The following TUT7 variants were observed in gnomAD, a reference collection of about 807,000 sequenced individuals.
TUT7 encodes the protein terminal uridylyltransferase 7.
A neutral mutation model predicts 165.9 loss-of-function variants in TUT7; 33 were observed. The ratio of observed to expected loss-of-function variants is 0.20; its 90% confidence interval spans 0.15 to 0.27. The LOEUF is 0.27. Among genes scored for constraint, TUT7 ranks in the 10% least tolerant of loss-of-function variants. The pLI, the probability that TUT7 is intolerant of heterozygous loss-of-function variation, is 1.00. For synonymous variants in TUT7, 552 were observed against 608.1 expected (o/e 0.91, Z 1.36); for missense variants, 1,338 against 1,762.3 (o/e 0.76, Z 4.31).
intron 26 of TUT7, among the ~76,000 whole-genome samples, chr9:86,300,582 A>G (rs1826790136): frequency 6.6e-6 from 1 of 152,248 alleles, no homozygotes. Flanking sequence ...TATAGTTAGT[A>G]GTCTGTTTAA....
At chr9:86,307,437 AG>A (rs1471402146) in intron 22 of TUT7, among the ~76,000 whole-genome samples, 2 of 152,364 alleles carry the variant, frequency 1.3e-5, no homozygotes, top group African/African-American at 4.8e-5. Context: ...ATTTTACAAA[AG>A]TTCATTGTAT....
intron 21 of TUT7, 135 bp downstream of exon 21, chr9:86,309,077 G>T: frequency 1.7e-6 from 1 of 590,622 alleles, no homozygotes; most frequent in Non-Finnish European, 2.9e-6. Context: ...GAAAGCATCT[G>T]AAAACACTAT....
At chr9:86,322,574 T>C in intron 13 of TUT7, 99 bp from the exon 14 acceptor site, 1 of 1,416,052 alleles carries the variant, frequency 7.1e-7, no homozygotes. Flanking sequence ...ACCTATTCAC[T>C]TTCCAAAGGA....
At chr9:86,337,829 A>G (rs1034913251) in intron 9 of TUT7, among the ~76,000 whole-genome samples, 1 of 152,254 alleles carries the variant, frequency 6.6e-6, no homozygotes, top group African/African-American at 2.4e-5. Flanking sequence ...TCCATGGTCA[A>G]TTCATTCATT....
rs1273996993 is a variant in TUT7, at chr9:86,352,837, T to A, written c.363A>T (p.Arg121Ser). 6.2e-7 allele frequency: 1 copy of A among 1,614,206 alleles called. No homozygotes were observed. The part of the protein sequence containing the change: ...DNWREFKPGP[R>S]IPVINRQRKD... ...TTCTTTGTCGGTTTATAACAGGAAT[T>A]CTAGGTCCAGGTTTGAATTCTCTCC... Residue 121 changes from arginine (R) to serine (S), a missense_variant, in exon 2 of 27, where the codon AGA becomes AGT. This residue lies in a region of TUT7 where 434 missense variants were observed against 480.8 expected (regional missense o/e 0.90). Transcript: ENST00000375963.
intron 7 of TUT7, among the ~76,000 whole-genome samples, chr9:86,340,577 G>T (rs1379389991): frequency 1.3e-5 from 2 of 152,202 alleles, no homozygotes; most frequent in Non-Finnish European, 2.9e-5. Flanking sequence ...GCTGGACATT[G>T]TATTAGACAA....
chr9:86,334,217 G>C (rs961395719), intron 10 of TUT7, among the ~76,000 whole-genome samples: 1 of 152,118 alleles, frequency 6.6e-6, no homozygotes, highest in South Asian at 2.1e-4. Context: ...CGAAGGGCAG[G>C]CTTTCAATAA....
At chr9:86,294,207 T>C (rs1314764689) in intron 26 of TUT7, among the ~76,000 whole-genome samples, 2 of 149,326 alleles carry the variant, frequency 1.3e-5, no homozygotes, top group Non-Finnish European at 3.0e-5. Flanking sequence ...CAATTATTTA[T>C]CTACTTTACA....
chr9:86,346,522 G>T (rs1270692518), intron 2 of TUT7, 42 bp from the exon 3 acceptor site: 2 of 1,582,656 alleles, frequency 1.3e-6, no homozygotes, highest in Non-Finnish European at 8.6e-7. Flanking sequence ...ATTAAATAAT[G>T]CCACTCCTGA....
intron 6 of TUT7, among the ~76,000 whole-genome samples, chr9:86,342,648 A>C (rs1482675259): frequency 6.6e-6 from 1 of 152,206 alleles, no homozygotes; most frequent in Admixed American, 6.5e-5. Flanking sequence ...GCTAGGTGTG[A>C]TTCTTTAAAA....
chr9:86,323,541 T>C lies in TUT7; in HGVS notation c.2209A>G (p.Lys737Glu), dbSNP rs61744147. 140 of 1,614,246 alleles carry C rather than the reference T, an allele frequency of 8.7e-5. No individual in the cohort carries two copies. The African/African-American group carries it at 1.7e-3, about 19-fold the overall frequency. Residue 737 changes from lysine (K) to glutamate (E), a missense_variant, in exon 13 of 27, where the codon AAG (lysine) becomes GAG (glutamate). This residue lies in a region of TUT7 where 425 missense variants were observed against 474.9 expected (regional missense o/e 0.89). Coordinates refer to ENST00000375963, the MANE Select transcript of TUT7 (RefSeq NM_024617.4). ...TCTGGATGGTATACTTTATCACCCT[T>C]GTAATCATCAGAGTTAACATCTGCT... ...IQADVNSDDY[K>E]GDKVYHPETG...
At chr9:86,344,776 A>C in intron 5 of TUT7, 2 of 533,688 alleles carry the variant, frequency 3.7e-6, no homozygotes, top group Non-Finnish European at 6.4e-6. Context: ...TTTATAATGG[A>C]AACAGGTTTA....
chr9:86,344,794 A>T, intron 5 of TUT7, 183 bp downstream of exon 5: 5 of 576,504 alleles, frequency 8.7e-6, no homozygotes, highest in Non-Finnish European at 1.5e-5. Context: ...TTATAATGAC[A>T]ATGCATATGA....
At chr9:86,337,333 G>A (rs998080655) in intron 10 of TUT7, 86 bp downstream of exon 10, 3 of 1,409,338 alleles carry the variant, frequency 2.1e-6, no homozygotes, top group African/African-American at 2.9e-5. Context: ...CTGGTTAGGT[G>A]TCTAGATTTT....
chr9:86,339,092 A>G, intron 8 of TUT7, 143 bp from the exon 9 acceptor site: 2 of 672,350 alleles, frequency 3.0e-6, no homozygotes, highest in Non-Finnish European at 4.2e-6. Context: ...GAAAAAAACT[A>G]CATCTTTATG....
chr9:86,301,722 A>T lies in TUT7; in HGVS notation c.4095-121T>A, dbSNP rs1826925068. ...GAGATGACCAGGAATAGAAAGTATT[A>T]AAAGGAAAAGCAAGAACCTAAATGA... is the stretch of plus-strand genomic sequence containing the variant. On this transcript the variant is annotated intron_variant, in intron 25 of 26. Transcript: ENST00000375963. 10 of 1,485,648 alleles carry T rather than the reference A, an allele frequency of 6.7e-6. No homozygotes were observed. In the South Asian group the frequency reaches 1.4e-4, roughly 21 times the overall value. The allele number at this position is 1,485,648 out of a possible 1,614,324, so 92.0% of individuals were successfully genotyped here.
chr9:86,351,288 T>A (rs1832282119), intron 2 of TUT7, among the ~76,000 whole-genome samples: 1 of 151,784 alleles, frequency 6.6e-6, no homozygotes, highest in Admixed American at 6.6e-5. Flanking sequence ...ATACAAAAAT[T>A]AGCCTGATGT....
chr9:86,351,767 GGC>G (rs1832324191), intron 2 of TUT7, among the ~76,000 whole-genome samples: 1 of 152,088 alleles, frequency 6.6e-6, no homozygotes, highest in South Asian at 2.1e-4. Flanking sequence ...TAAAAGTGCT[GGC>G]CAGTTTGAAA....
chr9:86,346,621 T>C lies in TUT7; in HGVS notation c.521-141A>G, dbSNP rs972472049. ...AGCAGAAGGAAAGGTAGCTGTCCTA[T>C]GGACAAAATGCTTTAATACTGTATT... On this transcript the variant is annotated intron_variant, in intron 2 of 26. Transcript: ENST00000375963. The C allele has an allele frequency of 4.0e-5, 32 of 805,378 alleles. 1 individual carries two copies. The highest frequency in any genetic ancestry group is 6.0e-5 in the Non-Finnish European group (31 of 515,036). 49.9% of individuals were successfully genotyped at this position (805,378 alleles called of 1,614,324 possible). A position where few individuals can be genotyped will look rare whatever the true frequency, so the allele number is the denominator to read the frequency against.
Sources: allele counts gnomAD v4.1 joint callset (sites outside exome capture counted in the v4.1 genomes callset), GRCh38; gene constraint gnomAD v4.1.1; regional missense constraint gnomAD v4.1.1; transcripts MANE v1.5; gene names NCBI Gene and HGNC (gene_info 2026-07-23, HGNC 2026-07-21).